Variants in DNAJC1 observed in about 807,000 individuals in gnomAD.
DNAJC1 encodes dnaJ homolog subfamily C member 1.
DNAJC1 carries 58 observed loss-of-function variants against 76.6 expected under a neutral mutation model. The observed-to-expected ratio is 0.76, with a 90% CI of 0.61 to 0.94. The LOEUF (loss-of-function observed/expected upper bound fraction) is 0.94, where lower values mean the gene tolerates loss of function less well. Among genes scored for constraint, DNAJC1 ranks in the 40% least tolerant of loss-of-function variants. The pLI is 0.00. For missense variants in DNAJC1, 689 were observed against 677.3 expected, an observed-to-expected ratio of 1.02 and a Z score of -0.19; for synonymous variants, 258 against 267.9, an observed-to-expected ratio of 0.96 and a Z score of 0.36.
chr10:21,834,753 G>C (rs11012799), intron 8 of DNAJC1, among the ~76,000 whole-genome samples: 1 of 152,236 alleles, frequency 6.6e-6, no homozygotes, highest in Non-Finnish European at 1.5e-5. Flanking sequence ...CAAACTGCAA[G>C]GTGGCAGCGA....
chr10:21,759,769 G>T (rs540373400), intron 10 of DNAJC1, 151 bp from the exon 11 acceptor site: 3 of 708,016 alleles, frequency 4.2e-6, no homozygotes, highest in Middle Eastern at 4.0e-4. Context: ...ATTCTAGAAA[G>T]ATAGGGATCA....
intron 9 of DNAJC1, among the ~76,000 whole-genome samples, chr10:21,775,603 T>C (rs1271407818): frequency 4.6e-5 from 7 of 152,120 alleles, no homozygotes; most frequent in African/African-American, 1.4e-4. Context: ...CATCACCAGA[T>C]TGATGTCTCT....
At chr10:21,940,334 T>C (rs988947588) in intron 1 of DNAJC1, among the ~76,000 whole-genome samples, 1 of 152,208 alleles carries the variant, frequency 6.6e-6, no homozygotes, top group Non-Finnish European at 1.5e-5. Flanking sequence ...CCATAATAGA[T>C]CACTGTTAAA....
intron 8 of DNAJC1, among the ~76,000 whole-genome samples, chr10:21,819,536 T>G (rs1263988808): frequency 6.6e-6 from 1 of 152,214 alleles, no homozygotes; most frequent in Admixed American, 6.5e-5. Flanking sequence ...ACAGAACATG[T>G]GAGGTGGCCT....
intron 6 of DNAJC1, among the ~76,000 whole-genome samples, chr10:21,916,508 T>A (rs889254500): frequency 6.6e-6 from 1 of 151,880 alleles, no homozygotes; most frequent in African/African-American, 2.4e-5. Flanking sequence ...AAAATAAAAA[T>A]AAAAAAACAA....
intron 1 of DNAJC1, among the ~76,000 whole-genome samples, chr10:21,954,458 AAAT>A (rs1564837228): frequency 1.3e-5 from 2 of 152,226 alleles, no homozygotes; most frequent in African/African-American, 4.8e-5. Flanking sequence ...AAGGCCAATG[AAAT>A]AATATCTCAG....
chr10:21,915,916 G>C (rs1321158908), intron 6 of DNAJC1, among the ~76,000 whole-genome samples: 3 of 151,758 alleles, frequency 2.0e-5, no homozygotes, highest in Admixed American at 6.6e-5. Flanking sequence ...GCTGAGGTGG[G>C]GGGATCACTT....
chr10:21,850,208 T>C (rs1403695170), intron 8 of DNAJC1, among the ~76,000 whole-genome samples: 2 of 152,150 alleles, frequency 1.3e-5, no homozygotes. Context: ...ATCTGATATG[T>C]AGAAAACTCT....
intron 7 of DNAJC1, among the ~76,000 whole-genome samples, chr10:21,897,682 G>C (rs376434239): frequency 6.6e-6 from 1 of 152,196 alleles, no homozygotes; most frequent in Non-Finnish European, 1.5e-5. Context: ...TGGAAAAACT[G>C]TCTTCCACGA....
rs981444731 is a variant in DNAJC1 at position 21,817,214 on chromosome 10, AC to A, written c.979-11116del. On this transcript the variant is annotated intron_variant, in intron 8 of 11. Coordinates refer to ENST00000376980, the MANE Select transcript of DNAJC1 (RefSeq NM_022365.4). ...AGACTATGTGTACATCTGTTTGAGGACCTTCTTTCAGCACCTACTTTTCTTA... is the reference window on the plus strand; with the variant it reads ...AGACTATGTGTACATCTGTTTGAGGACTTCTTTCAGCACCTACTTTTCTTA... 5.5e-4 allele frequency among the ~76,000 whole-genome samples: 82 copies of A among 149,520 alleles called. 1 individual carries two copies. The highest frequency in any genetic ancestry group is 2.0e-3 in the African/African-American group (81 of 40,878).
chr10:21,880,672 A>G (rs1004886846), intron 8 of DNAJC1, among the ~76,000 whole-genome samples: 1 of 152,200 alleles, frequency 6.6e-6, no homozygotes, highest in Non-Finnish European at 1.5e-5. Flanking sequence ...ACCATGCCGT[A>G]AACAGATGTG....
intron 6 of DNAJC1, among the ~76,000 whole-genome samples, chr10:21,909,868 T>G (rs1048151702): frequency 6.6e-6 from 1 of 152,206 alleles, no homozygotes; most frequent in Non-Finnish European, 1.5e-5. Context: ...TAGACCAGAA[T>G]GCCCACTTTC....
In DNAJC1 at chr10:21,836,083, C is replaced by T. The variant is rs374278767; in HGVS notation, c.979-29984G>A. Among the ~76,000 whole-genome samples, 38 of 152,252 alleles carry T rather than the reference C, an allele frequency of 2.5e-4. 1 individual carries two copies. The highest frequency in any genetic ancestry group is 1.9e-3 in the Admixed American group (29 of 15,276). ...GTTAAGGGCAGCCAGAGAGAAAGGT[C>T]GGGTTACCCACAAAGGGAAGCCCAT... On this transcript the variant is annotated intron_variant, in intron 8 of 11. Coordinates refer to ENST00000376980, the MANE Select transcript of DNAJC1 (RefSeq NM_022365.4).
chr10:21,999,416 ATCT>A (rs1838476962), intron 1 of DNAJC1, among the ~76,000 whole-genome samples: 1 of 139,252 alleles, frequency 7.2e-6, no homozygotes, highest in Non-Finnish European at 1.6e-5. Context: ...TTCCTGCTCT[ATCT>A]TCTTTGTTGA....
chr10:21,823,504 C>T (rs1835192820), intron 8 of DNAJC1, among the ~76,000 whole-genome samples: 1 of 151,966 alleles, frequency 6.6e-6, no homozygotes, highest in Admixed American at 6.6e-5. Context: ...GAGTATTTTC[C>T]TTAATCTCAA....
intron 8 of DNAJC1, among the ~76,000 whole-genome samples, chr10:21,877,556 A>G (rs1590028065): frequency 6.6e-6 from 1 of 152,192 alleles, no homozygotes; most frequent in East Asian, 1.9e-4. Flanking sequence ...TCAGTATCCA[A>G]TAACCATAAG....
chr10:21,770,240 A>G (rs1355545781), intron 9 of DNAJC1, among the ~76,000 whole-genome samples: 1 of 152,152 alleles, frequency 6.6e-6, no homozygotes, highest in Non-Finnish European at 1.5e-5. Context: ...CTAACTTAAT[A>G]GTTAATAATT....
At chr10:21,894,877 C>G (rs887252801) in intron 7 of DNAJC1, among the ~76,000 whole-genome samples, 6 of 152,200 alleles carry the variant, frequency 3.9e-5, no homozygotes, top group Non-Finnish European at 7.3e-5. Flanking sequence ...GCATTCATCT[C>G]CCCTAGAGGA....
At chr10:21,776,803 C>T (rs539794664) in intron 9 of DNAJC1, among the ~76,000 whole-genome samples, 10 of 152,224 alleles carry the variant, frequency 6.6e-5, no homozygotes, top group South Asian at 4.1e-4. Flanking sequence ...ATAAGCAATG[C>T]GGATAGCTAT....
Sources: gnomAD v4.1 joint callset for allele counts (sites outside exome capture counted in the v4.1 genomes callset) on GRCh38, gnomAD v4.1.1 for gene constraint, MANE v1.5 for transcripts, NCBI Gene and HGNC (gene_info 2026-07-23, HGNC 2026-07-21) for gene names.